Variants in CFAP20DC observed in about 807,000 individuals in gnomAD.
CFAP20DC encodes protein CFAP20DC.
Under a neutral mutation model 101.7 loss-of-function variants are expected in CFAP20DC, and 84 were observed. The observed-to-expected ratio is 0.83, with a 90% confidence interval of 0.69 to 0.99. The LOEUF (loss-of-function observed/expected upper bound fraction) is 0.99. Ranked by LOEUF, CFAP20DC falls within the 50% of genes least tolerant of loss-of-function variation. The pLI is 0.00. For missense variants in CFAP20DC, 1,007 were observed against 970.3 expected (o/e 1.04, Z -0.50); for synonymous variants, 359 against 351.2 (o/e 1.02, Z -0.25).
At chr3:59,022,460 A>G (rs1351728472) in intron 4 of CFAP20DC, among the ~76,000 whole-genome samples, 1 of 152,116 alleles carries the variant, frequency 6.6e-6, no homozygotes, top group Non-Finnish European at 1.5e-5. Flanking sequence ...AAATACAGTG[A>G]ATTTGTATAT....
intron 15 of CFAP20DC, among the ~76,000 whole-genome samples, chr3:58,796,395 G>T (rs2073244650): frequency 6.6e-6 from 1 of 152,294 alleles, no homozygotes; most frequent in African/African-American, 2.4e-5. Flanking sequence ...GCTACTAGGG[G>T]TGCCCTTAAC....
At chr3:58,733,779 G>C (rs2067693119) in intron 3 of CFAP20DC, among the ~76,000 whole-genome samples, 1 of 152,118 alleles carries the variant, frequency 6.6e-6, no homozygotes, top group Non-Finnish European at 1.5e-5. Flanking sequence ...CTATAATCAG[G>C]GTTGCCCCTA....
rs115177545 is a variant in CFAP20DC at position 58,968,602 on chromosome 3, A to T, written c.279-30840T>A. Among the ~76,000 whole-genome samples, 797 of 152,052 alleles carry T rather than the reference A, an allele frequency of 5.2e-3. 5 individuals carry two copies. Among genetic ancestry groups the T allele is most frequent in the South Asian group, 0.015 (73 of 4,818 alleles). On this transcript the variant is annotated intron_variant, in intron 4 of 16. Coordinates refer to ENST00000482387, the MANE Select transcript of CFAP20DC (RefSeq NM_001394063.1). The stretch of plus-strand genomic sequence containing the variant: ...TGTTTAAGTTCCTTATATATTCTGG[A>T]TATAAGACCTTTGTCAGATGCATTG...
In CFAP20DC at chr3:58,797,798, G is replaced by A. The variant is rs116045513; in HGVS notation, c.2237+8597C>T. ...AGCTGGTGACTTTAAGTTGAAGCCA[G>A]TGGTCATTGACTATTCCAGAAATCC... On this transcript the variant is annotated intron_variant, in intron 15 of 16. Coordinates refer to ENST00000482387, the MANE Select transcript of CFAP20DC (RefSeq NM_001394063.1). Among the ~76,000 whole-genome samples, 1,509 of 152,254 alleles carry A rather than the reference G, an allele frequency of 9.9e-3. 23 individuals carry two copies. The highest frequency in any genetic ancestry group is 0.035 in the African/African-American group (1,459 of 41,532).
chr3:58,762,136 G>T (rs554613462), intron 15 of CFAP20DC, among the ~76,000 whole-genome samples: 1 of 152,258 alleles, frequency 6.6e-6, no homozygotes, highest in South Asian at 2.1e-4. Context: ...TGACAGTGGG[G>T]TGTTAAAGTC....
At chr3:58,895,487 TC>T (rs1307187888) in intron 6 of CFAP20DC, among the ~76,000 whole-genome samples, 1 of 152,176 alleles carries the variant, frequency 6.6e-6, no homozygotes, top group Non-Finnish European at 1.5e-5. Context: ...CTCAACAAGT[TC>T]CTCATTTCCT....
At chr3:59,035,756 C>T (rs1341805194) in intron 4 of CFAP20DC, among the ~76,000 whole-genome samples, 3 of 152,144 alleles carry the variant, frequency 2.0e-5, no homozygotes, top group Non-Finnish European at 4.4e-5. Flanking sequence ...CAGCCAAATT[C>T]TACCAGAGGT....
intron 4 of CFAP20DC, among the ~76,000 whole-genome samples, chr3:59,008,996 A>G (rs1394915081): frequency 6.6e-6 from 1 of 152,176 alleles, no homozygotes; most frequent in Non-Finnish European, 1.5e-5. Flanking sequence ...CACACCAAGA[A>G]TATAACTACT....
intron 4 of CFAP20DC, among the ~76,000 whole-genome samples, chr3:58,940,573 G>A (rs2088401952): frequency 1.3e-5 from 2 of 152,122 alleles, no homozygotes; most frequent in Admixed American, 1.3e-4. Context: ...TTGAAAATCA[G>A]TTGACCATAA....
In CFAP20DC at chr3:58,892,086, G is replaced by A. The variant is rs1471380786; in HGVS notation, c.551-7377C>T. On this transcript the variant is annotated intron_variant, in intron 6 of 16. Coordinates refer to ENST00000482387, the MANE Select transcript of CFAP20DC (RefSeq NM_001394063.1). This position sits in a 1 kb window ranked among gnomAD's most constrained non-coding sequence, Gnocchi z 4.0. ...TTATCCCAGCATCATTTATTGAACA[G>A]GGAGTATTTTCCCCATTCATTGATT... is the stretch of plus-strand genomic sequence containing the variant. Among the ~76,000 whole-genome samples, 1 of 152,204 alleles carries A rather than the reference G, an allele frequency of 6.6e-6. No individual in the cohort carries two copies. Among genetic ancestry groups the A allele is most frequent in the Non-Finnish European group, 1.5e-5 (1 of 68,034 alleles).
intron 15 of CFAP20DC, among the ~76,000 whole-genome samples, chr3:58,791,547 TAACATTCA>T (rs2072858802): frequency 6.6e-6 from 1 of 152,188 alleles, no homozygotes; most frequent in Non-Finnish European, 1.5e-5. Context: ...AACCAATTTT[TAACATTCA>T]AATATGAAAA....
intron 4 of CFAP20DC, among the ~76,000 whole-genome samples, chr3:58,981,228 C>G (rs1372893621): frequency 6.6e-6 from 1 of 152,142 alleles, no homozygotes; most frequent in Non-Finnish European, 1.5e-5. Flanking sequence ...AATGAAAGAA[C>G]ATTCCATGCT....
intron 4 of CFAP20DC, among the ~76,000 whole-genome samples, chr3:58,942,834 C>G (rs979594125): frequency 1.3e-5 from 2 of 152,214 alleles, no homozygotes; most frequent in Admixed American, 1.3e-4. Context: ...ATTTGAAATT[C>G]TCACTGAGAA....
Position 58,971,884 on chromosome 3 carries a change from C to CAA in CFAP20DC, c.279-34123_279-34122insTT, listed in dbSNP as rs1263623160. Among the ~76,000 whole-genome samples, 1 of 151,734 alleles carries CAA rather than the reference C, an allele frequency of 6.6e-6. No homozygotes were observed. The highest frequency in any genetic ancestry group is 1.5e-5 in the Non-Finnish European group (1 of 67,888). On this transcript the variant is annotated intron_variant, in intron 4 of 16. Coordinates refer to ENST00000482387, the MANE Select transcript of CFAP20DC (RefSeq NM_001394063.1). The surrounding 1 kb of genome is among the most constrained non-coding windows in gnomAD (Gnocchi z 4.1). ...ACACATACACACACACACACACACACACACACACAATTAAGCTCTAGAGGT... is the reference window on the plus strand; with the variant it reads ...ACACATACACACACACACACACACACAAACACACACAATTAAGCTCTAGAGGT...
In CFAP20DC at chr3:58,863,409, C is replaced by A; in HGVS notation, c.1593+149G>T. 1.4e-6 allele frequency: 2 copies of A among 1,420,152 alleles called. No individual in the cohort carries two copies. The highest frequency in any genetic ancestry group is 1.7e-5 in the South Asian group (1 of 60,216). 88.0% of individuals were successfully genotyped at this position (1,420,152 alleles called of 1,614,324 possible). On this transcript the variant is annotated intron_variant, in intron 12 of 16. Transcript: ENST00000482387. The surrounding 1 kb of genome is among the most constrained non-coding windows in gnomAD (Gnocchi z 5.9). ...GACAGTTTAAAGTTACCATAACAAC[C>A]TGATGCAACTGTGGACTGACATGGC...
intron 14 of CFAP20DC, among the ~76,000 whole-genome samples, chr3:58,820,671 A>G (rs2075565034): frequency 6.6e-6 from 1 of 151,574 alleles, no homozygotes; most frequent in African/African-American, 2.4e-5. Flanking sequence ...AGAACATTCC[A>G]TGCTCATGGG....
intron 14 of CFAP20DC, among the ~76,000 whole-genome samples, chr3:58,816,562 C>T (rs566280480): frequency 2.0e-5 from 3 of 152,100 alleles, no homozygotes; most frequent in African/African-American, 7.2e-5. Flanking sequence ...GACTCCCACC[C>T]GAATATTGCA....
At chr3:58,923,965 T>C (rs541861083) in intron 5 of CFAP20DC, among the ~76,000 whole-genome samples, 1 of 152,316 alleles carries the variant, frequency 6.6e-6, no homozygotes, top group African/African-American at 2.4e-5. Context: ...TTGCATAGTT[T>C]CTATATTCCT....
At chr3:58,974,165 T>G (rs1464892470) in intron 4 of CFAP20DC, among the ~76,000 whole-genome samples, 2 of 152,144 alleles carry the variant, frequency 1.3e-5, no homozygotes, top group Non-Finnish European at 2.9e-5. Context: ...GTGAGTTGCG[T>G]GTCACTGAAG....
Sources: gnomAD v4.1 joint callset for allele counts (sites outside exome capture counted in the v4.1 genomes callset) on GRCh38, gnomAD v4.1.1 for gene constraint, Gnocchi (gnomAD v3.1) non-coding constraint, MANE v1.5 for transcripts, NCBI Gene and HGNC (gene_info 2026-07-23, HGNC 2026-07-21) for gene names.